The following PHTF2 variants were observed in gnomAD, a reference collection of about 807,000 sequenced individuals.
PHTF2 encodes putative homeodomain transcription factor 2.
In PHTF2, 60 loss-of-function variants were observed where a neutral mutation model predicts 101.2. The observed-to-expected ratio is 0.59, with a 90% CI of 0.48 to 0.73. PHTF2 has a LOEUF of 0.73. Among genes scored for constraint, PHTF2 ranks in the 30% least tolerant of loss-of-function variants. PHTF2 has a pLI of 0.00. For missense variants in PHTF2, 747 were observed against 908.7 expected, an observed-to-expected ratio of 0.82 and a Z score of 2.29; for synonymous variants, 311 against 307.3, an observed-to-expected ratio of 1.01 and a Z score of -0.13.
At chr7:77,951,460 A>T (rs1455833272) in intron 17 of PHTF2, among the ~76,000 whole-genome samples, 157 bp from the exon 17 acceptor site, 1 of 152,116 alleles carries the variant, frequency 6.6e-6, no homozygotes. Context: ...TTATTTTCCT[A>T]TTATAAAATA....
At position 77,919,690 on chromosome 7, in the gene PHTF2, C is replaced by A. The variant is rs553195782; in HGVS notation, c.777-589C>A. On this transcript the variant is annotated intron_variant, in intron 9 of 19. Transcript: ENST00000416283. ...TTATAAGCTGCATGATTGCTAATAT[C>A]TTTTCCAGAGATTATTTCAGTGGGT... Among the ~76,000 whole-genome samples the A allele has an allele frequency of 4.6e-5, 7 of 152,200 alleles. No individual in the cohort carries two copies. In the South Asian group the frequency reaches 1.5e-3, roughly 32 times the overall value.
chr7:77,896,147 T>C (rs1483054480), intron 5 of PHTF2, among the ~76,000 whole-genome samples: 5 of 152,226 alleles, frequency 3.3e-5, no homozygotes, highest in Non-Finnish European at 7.3e-5. Context: ...TAGATTTTTA[T>C]TGTTTCCTTT....
intron 12 of PHTF2, among the ~76,000 whole-genome samples, chr7:77,930,096 G>A (rs1804427376): frequency 6.6e-6 from 1 of 151,882 alleles, no homozygotes; most frequent in African/African-American, 2.4e-5. Context: ...AGGGATTACA[G>A]GCGCCCGCCA....
chr7:77,907,718 AATT>A, intron 7 of PHTF2: 1 of 152,224 alleles, frequency 6.6e-6, no homozygotes, highest in East Asian at 1.9e-4. Flanking sequence ...TTGTTAAGTA[AATT>A]ATATACATTG....
chr7:77,890,372 A>T lies in PHTF2; in HGVS notation c.148-3236A>T, dbSNP rs150235538. 2.4e-4 allele frequency among the ~76,000 whole-genome samples: 36 copies of T among 152,170 alleles called. No individual in the cohort carries two copies. The East Asian group carries it at 6.6e-3, about 28-fold the overall frequency. On this transcript the variant is annotated intron_variant, in intron 3 of 19. Transcript: ENST00000416283. ...TTTCTGATTTGGTCTATCGAATAGG[A>T]TTATTTTATTTTTCCTGATTTTAGG... is the stretch of plus-strand genomic sequence containing the variant.
At chr7:77,891,772 A>C (rs148993846) in intron 3 of PHTF2, among the ~76,000 whole-genome samples, 1 of 151,800 alleles carries the variant, frequency 6.6e-6, no homozygotes, top group African/African-American at 2.4e-5. Context: ...TTTTTTGTAG[A>C]GACAGGTCTC....
intron 5 of PHTF2, among the ~76,000 whole-genome samples, chr7:77,898,700 A>G (rs911915146): frequency 1.3e-5 from 2 of 152,168 alleles, no homozygotes; most frequent in Non-Finnish European, 2.9e-5. Context: ...GTTTAAAGAC[A>G]CCTTATTTAA....
rs1806543990 is a variant in PHTF2, at chr7:77,951,534, A to G, written c.2116-83A>G. The G allele has an allele frequency of 4.6e-5, 28 of 614,628 alleles. No homozygotes were observed. In the South Asian group the frequency reaches 6.0e-4, roughly 13 times the overall value. The allele number at this position is 614,628 out of a possible 1,614,324, so 38.1% of individuals were successfully genotyped here. ...AAAATCACCTATAATCTCAATAACC[A>G]GATACTTGAGTGAATATCTTTCAAG... On this transcript the variant is annotated intron_variant, in intron 17 of 19. Coordinates refer to ENST00000416283, the Ensembl canonical transcript of PHTF2.
chr7:77,942,726 T>C (rs1006686277), exon 16 of PHTF2: 1 of 1,602,310 alleles, frequency 6.2e-7, no homozygotes, highest in South Asian at 1.1e-5. Context: ...GATCAGTTGA[T>C]GTAATAGTTT....
chr7:77,926,329 G>C (rs1803998780), intron 11 of PHTF2, among the ~76,000 whole-genome samples: 1 of 152,158 alleles, frequency 6.6e-6, no homozygotes, highest in Non-Finnish European at 1.5e-5. Context: ...TATTTTTGGA[G>C]TGCTGTTCAT....
chr7:77,927,263 A>G (rs2150936025), intron 11 of PHTF2, among the ~76,000 whole-genome samples: 2 of 151,090 alleles, frequency 1.3e-5, no homozygotes, highest in South Asian at 4.2e-4. Flanking sequence ...TTGATTGTGG[A>G]AAGCAGTACA....
intron 5 of PHTF2, among the ~76,000 whole-genome samples, chr7:77,895,531 G>A (rs1363268737): frequency 6.6e-6 from 1 of 152,052 alleles, no homozygotes; most frequent in African/African-American, 2.4e-5. Flanking sequence ...GGAGATATAA[G>A]TACCTTGAGA....
chr7:77,849,272 C>T (rs1041781667), intron 2 of PHTF2, among the ~76,000 whole-genome samples: 19 of 151,496 alleles, frequency 1.3e-4, no homozygotes, highest in African/African-American at 1.7e-4. Flanking sequence ...TACAGGCATG[C>T]GCCACCATGC....
chr7:77,816,419 A>G (rs746577122), intron 1 of PHTF2, among the ~76,000 whole-genome samples: 8 of 152,180 alleles, frequency 5.3e-5, no homozygotes, highest in Admixed American at 1.3e-4. Flanking sequence ...ACATGGGTCC[A>G]GGACAGATAC....
chr7:77,902,029 A>G (rs1801439557), intron 7 of PHTF2, 109 bp downstream of exon 6: 2 of 471,874 alleles, frequency 4.2e-6, no homozygotes, highest in East Asian at 3.5e-5. Flanking sequence ...ATGTATAAGT[A>G]TGTTAATAAA....
intron 1 of PHTF2, among the ~76,000 whole-genome samples, chr7:77,834,968 A>AT (rs1315492917): frequency 6.6e-6 from 1 of 152,184 alleles, no homozygotes; most frequent in Non-Finnish European, 1.5e-5. Context: ...AAGCTTCAGC[A>AT]TTTTTTAGTC....
Position 77,902,010 on chromosome 7 carries a change from C to G in PHTF2, c.445+90C>G, listed in dbSNP as rs1801437011. 4 of 609,102 alleles carry G rather than the reference C, an allele frequency of 6.6e-6. No individual in the cohort carries two copies. In the East Asian group the frequency reaches 1.2e-4, roughly 19 times the overall value. The allele number at this position is 609,102 out of a possible 1,614,324, so 37.7% of individuals were successfully genotyped here. On this transcript the variant is annotated intron_variant, in intron 7 of 19. Coordinates refer to ENST00000416283, the Ensembl canonical transcript of PHTF2. Reference sequence around the variant, plus strand: ...TGTTTTAAACATATGCTAACTACTACTGAGTATGATGTATAAGTATGTTAA... The same window carrying G: ...TGTTTTAAACATATGCTAACTACTAGTGAGTATGATGTATAAGTATGTTAA...
intron 11 of PHTF2, among the ~76,000 whole-genome samples, chr7:77,927,272 C>T (rs1475490565): frequency 6.8e-6 from 1 of 146,386 alleles, no homozygotes; most frequent in African/African-American, 2.5e-5. Flanking sequence ...GAAAGCAGTA[C>T]AAAATTTATT....
intron 5 of PHTF2, among the ~76,000 whole-genome samples, chr7:77,898,053 T>C (rs1671390920): frequency 2.6e-5 from 4 of 151,998 alleles, no homozygotes; most frequent in South Asian, 4.2e-4. Context: ...GAAAATTTTA[T>C]TGAAACTGGC....
Sources: allele counts gnomAD v4.1 joint callset (sites outside exome capture counted in the v4.1 genomes callset), GRCh38; gene constraint gnomAD v4.1.1; transcripts MANE v1.5; gene names NCBI Gene and HGNC (gene_info 2026-07-23, HGNC 2026-07-21).